Variants in DSCAM observed in about 807,000 individuals in gnomAD.
The protein encoded by DSCAM is cell adhesion molecule DSCAM.
In DSCAM, 47 loss-of-function variants were observed where a neutral mutation model predicts 217.7. The observed-to-expected ratio is 0.22, with a 90% CI of 0.17 to 0.28. The LOEUF (loss-of-function observed/expected upper bound fraction) is 0.28, where lower values mean the gene tolerates loss of function less well. Among genes scored for constraint, DSCAM ranks in the 10% least tolerant of loss-of-function variants. DSCAM has a pLI of 1.00. For missense variants in DSCAM, 2,080 were observed against 2,618.3 expected (o/e 0.79, Z 4.49); for synonymous variants, 1,056 against 1,015.3 (o/e 1.04, Z -0.76).
intron 2 of DSCAM, among the ~76,000 whole-genome samples, chr21:40,705,045 A>C (rs572189330): frequency 6.6e-5 from 10 of 152,318 alleles, no homozygotes; most frequent in African/African-American, 2.4e-4. Context: ...AAGTATCAAG[A>C]GTAAGGGGAT....
At chr21:40,085,935 T>C (rs1278122556) in intron 22 of DSCAM, among the ~76,000 whole-genome samples, 170 bp from the exon 23 acceptor site, 1 of 152,208 alleles carries the variant, frequency 6.6e-6, no homozygotes, top group Non-Finnish European at 1.5e-5. Flanking sequence ...AATCAATAGC[T>C]GTGTAGCTGA....
chr21:40,389,618 G>C (rs978440592), intron 3 of DSCAM, among the ~76,000 whole-genome samples: 1 of 152,104 alleles, frequency 6.6e-6, no homozygotes, highest in African/African-American at 2.4e-5. Flanking sequence ...AAGTACATCA[G>C]AATCTGGATT....
intron 3 of DSCAM, among the ~76,000 whole-genome samples, chr21:40,490,092 G>A (rs1317412361): frequency 1.3e-5 from 2 of 152,176 alleles, no homozygotes; most frequent in Non-Finnish European, 2.9e-5. Flanking sequence ...CAGCAGGCAA[G>A]AGAGTGCGTG....
intron 9 of DSCAM, among the ~76,000 whole-genome samples, chr21:40,309,153 C>T (rs894571262): frequency 2.6e-5 from 4 of 152,196 alleles, no homozygotes; most frequent in African/African-American, 9.7e-5. Flanking sequence ...CTCCATTTTA[C>T]TGCCTCCTGT....
rs897134146 is a variant in DSCAM at position 40,245,119 on chromosome 21, CAAAG to C, written c.2356+30974_2356+30977del. 4.6e-5 allele frequency among the ~76,000 whole-genome samples: 7 copies of C among 152,214 alleles called. No individual in the cohort carries two copies. The East Asian group carries it at 5.8e-4, about 13-fold the overall frequency. Reference sequence around the variant, plus strand: ...CAGAATAGCTGTGAGAGAAAATAAACAAAGAATCACTCCAGTAACTTTCAGCACA... The same window carrying C: ...CAGAATAGCTGTGAGAGAAAATAAACAATCACTCCAGTAACTTTCAGCACA... On this transcript the variant is annotated intron_variant, in intron 11 of 32. Coordinates refer to ENST00000400454, the MANE Select transcript of DSCAM (RefSeq NM_001389.5).
intron 11 of DSCAM, among the ~76,000 whole-genome samples, chr21:40,255,189 C>G (rs1033295588): frequency 6.6e-6 from 1 of 152,152 alleles, no homozygotes; most frequent in Non-Finnish European, 1.5e-5. Flanking sequence ...TGAGTACCTG[C>G]TGTGTATGTT....
At chr21:40,746,088 A>T (rs1046272220) in intron 1 of DSCAM, among the ~76,000 whole-genome samples, 2 of 151,842 alleles carry the variant, frequency 1.3e-5, no homozygotes, top group African/African-American at 2.4e-5. Context: ...ATCAAAACAT[A>T]CTACTAGAAA....
chr21:40,630,402 G>A (rs2089673752), intron 3 of DSCAM, among the ~76,000 whole-genome samples: 1 of 152,168 alleles, frequency 6.6e-6, no homozygotes, highest in Non-Finnish European at 1.5e-5. Flanking sequence ...GGGTTCAAGA[G>A]ATTCTCGTGC....
At chr21:40,072,773 TA>T (rs2089314955) in intron 27 of DSCAM, among the ~76,000 whole-genome samples, 1 of 152,130 alleles carries the variant, frequency 6.6e-6, no homozygotes, top group Non-Finnish European at 1.5e-5. Flanking sequence ...CATCTCTTAG[TA>T]ATACTCCCTC....
intron 3 of DSCAM, among the ~76,000 whole-genome samples, chr21:40,450,913 G>A (rs572591287): frequency 7.7e-4 from 117 of 152,292 alleles, no homozygotes; most frequent in African/African-American, 2.7e-3. Flanking sequence ...TTTTATAAAC[G>A]TGTGAATCTC....
chr21:40,609,941 C>T (rs982305865), intron 3 of DSCAM, among the ~76,000 whole-genome samples: 2 of 152,170 alleles, frequency 1.3e-5, no homozygotes, highest in Non-Finnish European at 2.9e-5. Flanking sequence ...ATTCTGGTGA[C>T]AGTCCAACAA....
At chr21:40,321,699 G>A (rs777655683) in intron 8 of DSCAM, among the ~76,000 whole-genome samples, 4 of 149,730 alleles carry the variant, frequency 2.7e-5, no homozygotes, top group African/African-American at 4.9e-5. Flanking sequence ...ACATTGCTGC[G>A]AGCATTTACC....
intron 10 of DSCAM, among the ~76,000 whole-genome samples, chr21:40,292,658 T>G (rs1257220635): frequency 6.6e-6 from 1 of 152,162 alleles, no homozygotes; most frequent in African/African-American, 2.4e-5. Context: ...GCAACTCTAC[T>G]TATAGAAATT....
chr21:40,157,687 TTTC>T (rs1452466970), intron 16 of DSCAM, among the ~76,000 whole-genome samples: 1 of 69,470 alleles, frequency 1.4e-5, no homozygotes, highest in African/African-American at 3.8e-5. Flanking sequence ...TCTCTTTCCT[TTTC>T]TTTTTTCTTT....
At position 40,084,372 on chromosome 21, in the gene DSCAM, GA is replaced by G. The variant is rs367786846; in HGVS notation, c.4133-367del. On this transcript the variant is annotated intron_variant, in intron 23 of 32. Transcript: ENST00000400454. ...TGAATTTCAGCCATGAAATTTAAGT[GA>G]AAAAGATAAATGGCATCCACTTAGC... is the stretch of plus-strand genomic sequence containing the variant. 1.5e-3 allele frequency among the ~76,000 whole-genome samples: 230 copies of G among 152,202 alleles called. 1 individual carries two copies. Among genetic ancestry groups the G allele is most frequent in the African/African-American group, 5.3e-3 (220 of 41,510 alleles).
chr21:40,532,152 T>C (rs998964930), intron 3 of DSCAM, among the ~76,000 whole-genome samples: 1 of 152,252 alleles, frequency 6.6e-6, no homozygotes, highest in Non-Finnish European at 1.5e-5. Flanking sequence ...ATCAATGTTA[T>C]GATTTAATAC....
chr21:40,124,387 C>G, intron 19 of DSCAM, 59 bp from the exon 20 acceptor site: 1 of 1,602,456 alleles, frequency 6.2e-7, no homozygotes, highest in Non-Finnish European at 8.5e-7. Flanking sequence ...TGCGGACCCA[C>G]GCTTCCCAAC....
rs1177355816 is a variant in DSCAM, at chr21:40,052,066, C to T, written c.5077G>A (p.Glu1693Lys). The T allele has an allele frequency of 1.2e-6, 2 of 1,614,038 alleles. No individual in the cohort carries two copies. Among genetic ancestry groups the T allele is most frequent in the Non-Finnish European group, 1.7e-6 (2 of 1,180,036 alleles). The change falls in exon 30 of 33, where the codon GAG becomes AAG. Residue 1693 changes from glutamate (E) to lysine (K), a missense_variant. Coordinates refer to ENST00000400454, the MANE Select transcript of DSCAM (RefSeq NM_001389.5). ...TVLLTDADFG[E>K]AAKQKSLTVT... ...GTCAGGGACTTCTGCTTAGCTGCCT[C>T]TCCAAAGTCAGCATCCGTCAACAGA...
intron 20 of DSCAM, among the ~76,000 whole-genome samples, chr21:40,110,616 C>G (rs1176749902): frequency 6.6e-6 from 1 of 152,120 alleles, no homozygotes; most frequent in African/African-American, 2.4e-5. Context: ...TCAAACGACT[C>G]AGAGCTAAAG....
Sources: allele counts gnomAD v4.1 joint callset (sites outside exome capture counted in the v4.1 genomes callset), GRCh38; gene constraint gnomAD v4.1.1; transcripts MANE v1.5; gene names NCBI Gene and HGNC (gene_info 2026-07-23, HGNC 2026-07-21).